Variants in DPP10 observed in about 807,000 individuals in gnomAD.
The protein encoded by DPP10 is inactive dipeptidyl peptidase 10.
In DPP10, 33 loss-of-function variants were observed where a neutral mutation model predicts 120.9. That is an observed-to-expected ratio of 0.27 (90% CI 0.21 to 0.37). DPP10 has a LOEUF of 0.37. Among genes scored for constraint, DPP10 ranks in the 10% least tolerant of loss-of-function variants. The probability of loss-of-function intolerance (pLI) is 1.00; values close to 1 mark genes in which losing one functional copy is unlikely to be tolerated. For synonymous variants in DPP10, 337 were observed against 326.1 expected (o/e 1.03, Z -0.36); for missense variants, 816 against 942.8 (o/e 0.87, Z 1.76).
chr2:115,482,467 C>T (rs185180975), intron 3 of DPP10, among the ~76,000 whole-genome samples: 1 of 152,042 alleles, frequency 6.6e-6, no homozygotes. Context: ...GTCTAACCAT[C>T]ATTGCTGTTC....
chr2:115,133,145 G>GTGTGTGTGTATATATATATA (rs1338395575), intron 1 of DPP10, among the ~76,000 whole-genome samples: 1 of 28,768 alleles, frequency 3.5e-5, no homozygotes, highest in African/African-American at 1.3e-4. Context: ...GTGTGTGTGT[G>GTGTGTGTGTATATATATATA]TATATATATA....
rs181089552 is a variant in DPP10, at chr2:115,384,323, A to G, written c.271+40411A>G. Among the ~76,000 whole-genome samples, 809 of 152,154 alleles carry G rather than the reference A, an allele frequency of 5.3e-3. 7 individuals carry two copies. Among genetic ancestry groups the G allele is most frequent in the African/African-American group, 0.018 (731 of 41,500 alleles). Reference sequence around the variant, plus strand: ...TAGGAGTTCAAGGCTGCAGTGAGCTATGATCACATGACTGCACTCCAGCCT... The same window carrying G: ...TAGGAGTTCAAGGCTGCAGTGAGCTGTGATCACATGACTGCACTCCAGCCT... On this transcript the variant is annotated intron_variant, in intron 3 of 25. Transcript: ENST00000410059.
chr2:115,299,352 A>G (rs1347501916), intron 1 of DPP10, among the ~76,000 whole-genome samples: 2 of 152,056 alleles, frequency 1.3e-5, no homozygotes, highest in African/African-American at 4.8e-5. Flanking sequence ...CTGGCAAATA[A>G]CAAACAGGAA....
At chr2:115,425,064 A>T (rs560843150) in intron 3 of DPP10, among the ~76,000 whole-genome samples, 38 of 152,312 alleles carry the variant, frequency 2.5e-4, no homozygotes, top group Non-Finnish European at 4.9e-4. Flanking sequence ...CTGTGGAATT[A>T]ATCAGTGAAC....
intron 1 of DPP10, among the ~76,000 whole-genome samples, chr2:114,446,595 A>G (rs1453762210): frequency 6.6e-6 from 1 of 152,182 alleles, no homozygotes; most frequent in Non-Finnish European, 1.5e-5. Context: ...ACTTCCATTT[A>G]GAAAAGAGTC....
intron 1 of DPP10, among the ~76,000 whole-genome samples, chr2:115,170,893 A>G (rs1000391855): frequency 6.6e-6 from 1 of 152,170 alleles, no homozygotes; most frequent in Non-Finnish European, 1.5e-5. Flanking sequence ...GCTCATTATT[A>G]CACATTTCTA....
chr2:115,254,346 G>T (rs2105697015), intron 1 of DPP10, among the ~76,000 whole-genome samples: 1 of 152,254 alleles, frequency 6.6e-6, no homozygotes, highest in Non-Finnish European at 1.5e-5. Context: ...GATGAGGGGA[G>T]TGACCCCCCA....
intron 4 of DPP10, among the ~76,000 whole-genome samples, chr2:115,503,834 A>T (rs1027717071): frequency 6.6e-6 from 1 of 152,106 alleles, no homozygotes; most frequent in African/African-American, 2.4e-5. Context: ...TCCTGAATGA[A>T]TGTGAGGGGT....
At chr2:114,892,874 G>A (rs934092023) in intron 1 of DPP10, among the ~76,000 whole-genome samples, 1 of 152,160 alleles carries the variant, frequency 6.6e-6, no homozygotes, top group African/African-American at 2.4e-5. Context: ...AAATGGCAGT[G>A]ATGGGAAGGG....
At chr2:115,491,216 C>T (rs981019553) in intron 3 of DPP10, among the ~76,000 whole-genome samples, 1 of 152,276 alleles carries the variant, frequency 6.6e-6, no homozygotes, top group East Asian at 1.9e-4. Flanking sequence ...TTAACTCCAA[C>T]TACAGCAAAC....
intron 7 of DPP10, among the ~76,000 whole-genome samples, chr2:115,724,409 A>T (rs2092718525): frequency 6.6e-6 from 1 of 152,216 alleles, no homozygotes; most frequent in African/African-American, 2.4e-5. Flanking sequence ...TATTGGGTCC[A>T]ATCATTTGTT....
chr2:115,444,636 T>TA (rs2072398209), intron 3 of DPP10, among the ~76,000 whole-genome samples: 1 of 152,204 alleles, frequency 6.6e-6, no homozygotes, highest in South Asian at 2.1e-4. Flanking sequence ...CAAAGTGTTT[T>TA]AGTTTTCTGG....
chr2:114,868,594 A>G (rs937919665), intron 1 of DPP10, among the ~76,000 whole-genome samples: 2 of 152,174 alleles, frequency 1.3e-5, no homozygotes, highest in Non-Finnish European at 2.9e-5. Context: ...GTACGGTCAG[A>G]CAAATAACAG....
chr2:115,519,392 A>G (rs950270985), intron 4 of DPP10, among the ~76,000 whole-genome samples: 2 of 152,186 alleles, frequency 1.3e-5, no homozygotes, highest in Non-Finnish European at 2.9e-5. Context: ...TAAATACTCC[A>G]ATATCAAAAT....
chr2:115,254,252 A>C (rs2058876297), intron 1 of DPP10, among the ~76,000 whole-genome samples: 1 of 152,232 alleles, frequency 6.6e-6, no homozygotes, highest in African/African-American at 2.4e-5. Flanking sequence ...TGGAGGCAAC[A>C]AAGAGAGTGC....
chr2:114,513,255 G>T (rs532378814), intron 1 of DPP10, among the ~76,000 whole-genome samples: 2 of 152,080 alleles, frequency 1.3e-5, no homozygotes, highest in Non-Finnish European at 2.9e-5. Flanking sequence ...GGGCACGGTG[G>T]CTAACGCCTG....
chr2:114,850,003 C>G lies in DPP10; in HGVS notation c.60+407165C>G, dbSNP rs550310597. ...CTCCCCTCTCCTCCCCATCCCCTCC[C>G]CTCCCTTCCCTTCCCTTCCCTTTCC... On this transcript the variant is annotated intron_variant, in intron 1 of 25. Coordinates refer to ENST00000410059, the MANE Select transcript of DPP10 (RefSeq NM_020868.6). Among the ~76,000 whole-genome samples, 556 of 149,646 alleles carry G rather than the reference C, an allele frequency of 3.7e-3. 2 individuals are homozygous for G. The highest frequency in any genetic ancestry group is 6.9e-3 in the Non-Finnish European group (467 of 67,352).
intron 1 of DPP10, among the ~76,000 whole-genome samples, chr2:114,789,362 C>T (rs1191341166): frequency 7.2e-5 from 11 of 152,188 alleles, no homozygotes; most frequent in African/African-American, 2.7e-4. Flanking sequence ...TGAGAAAACG[C>T]TGGCATGTTG....
chr2:114,892,882 G>A (rs770762410), intron 1 of DPP10, among the ~76,000 whole-genome samples: 187 of 152,268 alleles, frequency 1.2e-3, no homozygotes, highest in Admixed American at 4.1e-3. Context: ...GTGATGGGAA[G>A]GGAAAAGTCC....
Sources: gnomAD v4.1 joint callset for allele counts (sites outside exome capture counted in the v4.1 genomes callset) on GRCh38, gnomAD v4.1.1 for gene constraint, MANE v1.5 for transcripts, NCBI Gene and HGNC (gene_info 2026-07-23, HGNC 2026-07-21) for gene names.